Variants in CLIP2 observed in about 807,000 individuals in gnomAD.
CLIP2 encodes CAP-Gly domain-containing linker protein 2.
Under a neutral mutation model 111.7 loss-of-function variants are expected in CLIP2, and 41 were observed. That is an observed-to-expected ratio of 0.37 (90% CI 0.29 to 0.48). The LOEUF (loss-of-function observed/expected upper bound fraction) is 0.48, where lower values mean the gene tolerates loss of function less well. Among genes scored for constraint, CLIP2 ranks in the 20% least tolerant of loss-of-function variants. CLIP2 has a pLI of 0.99. For synonymous variants in CLIP2, 660 were observed against 644.2 expected, an observed-to-expected ratio of 1.02 and a Z score of -0.37; for missense variants, 1,160 against 1,422.1, an observed-to-expected ratio of 0.82 and a Z score of 2.96.
intron 3 of CLIP2, among the ~76,000 whole-genome samples, chr7:74,353,212 A>G (rs1012579259): frequency 6.6e-6 from 1 of 151,492 alleles, no homozygotes; most frequent in African/African-American, 2.4e-5. Context: ...TCTAGTATAT[A>G]CTAGACACCG....
At chr7:74,329,676 A>G (rs1245086481) in intron 2 of CLIP2, among the ~76,000 whole-genome samples, 1 of 147,232 alleles carries the variant, frequency 6.8e-6, no homozygotes, top group African/African-American at 2.5e-5. Flanking sequence ...TCTGCCCCCA[A>G]ACCACTGGGG....
At chr7:74,354,301 G>A (rs1790090955) in intron 4 of CLIP2, among the ~76,000 whole-genome samples, 1 of 152,112 alleles carries the variant, frequency 6.6e-6, no homozygotes, top group African/African-American at 2.4e-5. Context: ...TCATGTCTAA[G>A]TGGGGTGGGA....
rs2116725894 is a variant in CLIP2 at position 74,405,414 on chromosome 7, C to G, written c.*1566C>G. 6.6e-6 allele frequency: 1 copy of G among 152,568 alleles called. No individual in the cohort carries two copies. The highest frequency in any genetic ancestry group is 2.4e-5 in the African/African-American group (1 of 41,540). 9.5% of individuals were successfully genotyped at this position (152,568 alleles called of 1,614,324 possible). A position where few individuals can be genotyped will look rare whatever the true frequency, so the allele number is the denominator to read the frequency against. On this transcript the variant is annotated 3_prime_UTR_variant, in exon 17 of 17. Transcript: ENST00000223398. The stretch of plus-strand genomic sequence containing the variant: ...ACGTGTGCAATTCATAGGAACGGCC[C>G]AGATCGCCCTCATGAGTGCCACCTG...
At chr7:74,330,381 C>G (rs537969981) in intron 2 of CLIP2, among the ~76,000 whole-genome samples, 1 of 151,676 alleles carries the variant, frequency 6.6e-6, no homozygotes, top group African/African-American at 2.4e-5. Context: ...CTCAGCCTTC[C>G]GAGTAGCTGG....
rs1309387611 is a variant in CLIP2, at chr7:74,338,618, C to G, written c.292C>G (p.Leu98Val). 1 of 1,564,328 alleles carries G rather than the reference C, an allele frequency of 6.4e-7. No individual in the cohort carries two copies. Among genetic ancestry groups the G allele is most frequent in the African/African-American group, 1.4e-5 (1 of 73,572 alleles). ...CGTGAAGCCAGGCGTGGTGCAGTAT[C>G]TGGGAGAGACGCAGTTCGCACCGGG... The part of the protein sequence containing the change: ...NGVKPGVVQY[L>V]GETQFAPGQW... Residue 98 changes from leucine (L) to valine (V), a missense_variant, in exon 3 of 17, where the codon CTG (leucine) becomes GTG (valine). Leu to Val is a conservative substitution (Grantham distance 32). Coordinates refer to ENST00000223398, the MANE Select transcript of CLIP2 (RefSeq NM_003388.5). This position sits in a 1 kb window ranked among gnomAD's most constrained non-coding sequence, Gnocchi z 4.3.
At chr7:74,307,427 G>A (rs953977892) in intron 1 of CLIP2, among the ~76,000 whole-genome samples, 4 of 152,340 alleles carry the variant, frequency 2.6e-5, no homozygotes, top group Middle Eastern at 3.4e-3. Context: ...TCTGCCTTGT[G>A]CAGGGGCTGG....
intron 8 of CLIP2, among the ~76,000 whole-genome samples, chr7:74,372,680 G>A (rs776118408): frequency 1.1e-4 from 12 of 109,206 alleles, no homozygotes; most frequent in African/African-American, 1.8e-4. Context: ...ACCCCCCACC[G>A]CCCTACACTG....
chr7:74,376,544 C>A lies in CLIP2; in HGVS notation c.2143C>A (p.Arg715=). The stretch of plus-strand genomic sequence containing the variant: ...GCTGGAGGTGCAAGCCAGCCAGCAC[C>A]GGCTGGAGCTGCAGGAGGCCCAGGA... The part of the protein sequence containing the change: ...AQLEVQASQH[R]LELQEAQDQR... The change falls in exon 10 of 17, where the codon CGG becomes AGG. Residue 715 remains arginine (R), a synonymous_variant. Coordinates refer to ENST00000223398, the MANE Select transcript of CLIP2 (RefSeq NM_003388.5). The surrounding 1 kb of genome is among the most constrained non-coding windows in gnomAD (Gnocchi z 7.1). 1 of 1,604,676 alleles carries A rather than the reference C, an allele frequency of 6.2e-7. No homozygotes were observed. Among genetic ancestry groups the A allele is most frequent in the Non-Finnish European group, 8.5e-7 (1 of 1,176,566 alleles).
chr7:74,309,326 T>C (rs969156565), intron 1 of CLIP2, among the ~76,000 whole-genome samples: 1 of 151,716 alleles, frequency 6.6e-6, no homozygotes, highest in African/African-American at 2.4e-5. Flanking sequence ...AAATTAATTG[T>C]ATGGTTTGAT....
At chr7:74,347,974 G>C (rs1396419242) in intron 3 of CLIP2, among the ~76,000 whole-genome samples, 1 of 151,912 alleles carries the variant, frequency 6.6e-6, no homozygotes, top group Non-Finnish European at 1.5e-5. Flanking sequence ...GAGGTCAGGA[G>C]TTCCAGACCA....
At chr7:74,314,096 T>G (rs1788709585) in intron 1 of CLIP2, among the ~76,000 whole-genome samples, 1 of 151,258 alleles carries the variant, frequency 6.6e-6, no homozygotes, top group Non-Finnish European at 1.5e-5. Context: ...GCAGAAGAAT[T>G]GCTTGAAACC....
At chr7:74,356,751 A>G in intron 5 of CLIP2, 128 bp downstream of exon 5, 2 of 833,798 alleles carry the variant, frequency 2.4e-6, no homozygotes, top group Non-Finnish European at 3.8e-6. Flanking sequence ...TGAACAAAGA[A>G]GAAAGTGCAT....
intron 3 of CLIP2, among the ~76,000 whole-genome samples, chr7:74,348,850 A>C (rs1210064180): frequency 6.6e-6 from 1 of 151,900 alleles, no homozygotes; most frequent in Non-Finnish European, 1.5e-5. Context: ...GTTCACACAA[A>C]AACTTGTACA....
At chr7:74,346,730 AAAAAAAAAAAAAC>A (rs368981527) in intron 3 of CLIP2, among the ~76,000 whole-genome samples, 41 of 96,642 alleles carry the variant, frequency 4.2e-4, no homozygotes, top group South Asian at 1.5e-3. Context: ...AAAAAAAAAA[AAAAAAAAAAAAAC>A]AAAACACTGG....
chr7:74,294,191 T>G (rs1020128765), intron 1 of CLIP2, among the ~76,000 whole-genome samples: 76 of 152,236 alleles, frequency 5.0e-4, no homozygotes, highest in African/African-American at 1.8e-3. Context: ...GATAAGGAGT[T>G]CAAGACCTAG....
rs189074768 is a variant in CLIP2, at chr7:74,384,482, G to T, written c.2480-2039G>T. 8.6e-3 allele frequency among the ~76,000 whole-genome samples: 1,000 copies of T among 116,770 alleles called. 16 individuals are homozygous for T. The highest frequency in any genetic ancestry group is 0.031 in the African/African-American group (896 of 29,224). 76.6% of individuals were successfully genotyped at this position (116,770 alleles called of 152,430 possible). A position where few individuals can be genotyped will look rare whatever the true frequency, so the allele number is the denominator to read the frequency against. ...TTTTTTTGAGATGGAGTCTCACTCT[G>T]TCACCCAGGCTGGAGTGCAGTGGTG... On this transcript the variant is annotated intron_variant, in intron 11 of 16. Coordinates refer to ENST00000223398, the MANE Select transcript of CLIP2 (RefSeq NM_003388.5).
chr7:74,373,257 G>A (rs1442190268), intron 9 of CLIP2, among the ~76,000 whole-genome samples: 1 of 152,152 alleles, frequency 6.6e-6, no homozygotes, highest in Non-Finnish European at 1.5e-5. Flanking sequence ...CAGCACTTTG[G>A]GAGGCTAAGG....
intron 8 of CLIP2, among the ~76,000 whole-genome samples, chr7:74,372,261 G>T (rs940932221): frequency 6.6e-6 from 1 of 152,136 alleles, no homozygotes; most frequent in Non-Finnish European, 1.5e-5. Flanking sequence ...GTCCGGTGGG[G>T]TGGGCAGCAA....
In CLIP2 at chr7:74,404,380, C is replaced by A; in HGVS notation, c.*532C>A. 6.3e-6 allele frequency: 1 copy of A among 159,334 alleles called. No homozygotes were observed. Among genetic ancestry groups the A allele is most frequent in the Non-Finnish European group, 1.4e-5 (1 of 71,928 alleles). The allele number at this position is 159,334 out of a possible 1,614,324, so 9.9% of individuals were successfully genotyped here. A position where few individuals can be genotyped will look rare whatever the true frequency, so the allele number is the denominator to read the frequency against. On this transcript the variant is annotated 3_prime_UTR_variant, in exon 17 of 17. Coordinates refer to ENST00000223398, the MANE Select transcript of CLIP2 (RefSeq NM_003388.5). ...AGGCAGTCGCCAGGGCTTCTTGTCC[C>A]CACCTTCTGAACCTTCTTCAAACAG... is the stretch of plus-strand genomic sequence containing the variant.
Sources: allele counts gnomAD v4.1 joint callset (sites outside exome capture counted in the v4.1 genomes callset), GRCh38; gene constraint gnomAD v4.1.1; non-coding constraint Gnocchi (gnomAD v3.1); transcripts MANE v1.5; gene names NCBI Gene and HGNC (gene_info 2026-07-23, HGNC 2026-07-21).